SKA1: variants seen among roughly 807,000 people sequenced by gnomAD.
SKA1 encodes SKA complex subunit 1.
Under a neutral mutation model 31.8 loss-of-function variants are expected in SKA1, and 20 were observed. The ratio of observed to expected loss-of-function variants is 0.63; its 90% CI spans 0.44 to 0.91. SKA1 has a LOEUF of 0.91. Ranked by LOEUF, SKA1 falls within the 40% of genes least tolerant of loss-of-function variation. SKA1 has a pLI of 0.00. For missense variants in SKA1, 253 were observed against 298.2 expected, an observed-to-expected ratio of 0.85 and a Z score of 1.12; for synonymous variants, 88 against 100.5, an observed-to-expected ratio of 0.88 and a Z score of 0.74.
Position 50,385,233 on chromosome 18 carries a change from T to G in SKA1, c.329T>G (p.Leu110Arg). The part of the protein sequence containing the change: ...VTQSCVKGSD[L>R]DPEEPIKVEE... ...TTCTGTAGTGTTAAGGGATCAGATC[T>G]TGATCCTGAAGAACCAATCAAAGTT... The change falls in exon 5 of 7, where the codon CTT (leucine) becomes CGT (arginine). Residue 110 changes from leucine to arginine, a missense_variant. Physicochemically the swap from Leu to Arg is moderately radical, Grantham distance 102. Coordinates refer to ENST00000285116, the MANE Select transcript of SKA1 (RefSeq NM_145060.4). The G allele has an allele frequency of 1.9e-6, 3 of 1,613,298 alleles. No individual in the cohort carries two copies. The highest frequency in any genetic ancestry group is 2.5e-6 in the Non-Finnish European group (3 of 1,179,644).
At chr18:50,385,376 G>A in intron 5 of SKA1, 23 bp downstream of exon 5, 1 of 1,527,570 alleles carries the variant, frequency 6.5e-7, no homozygotes, top group East Asian at 2.3e-5. Context: ...GATAAATAAT[G>A]TTCAACCCCT....
At chr18:50,376,365 A>G (rs1299906043) in intron 2 of SKA1, among the ~76,000 whole-genome samples, 2 of 152,258 alleles carry the variant, frequency 1.3e-5, no homozygotes, top group Non-Finnish European at 2.9e-5. Context: ...TAGGCTATAT[A>G]GCCTATTGCT....
At chr18:50,389,207 C>T (rs1017987871) in intron 5 of SKA1, among the ~76,000 whole-genome samples, 2 of 151,998 alleles carry the variant, frequency 1.3e-5, no homozygotes, top group East Asian at 1.9e-4. Context: ...GAAAGCCCAA[C>T]CTAATCTCAC....
chr18:50,379,773 CTTCATAT>C (rs72383580), intron 2 of SKA1, among the ~76,000 whole-genome samples: 54,953 of 151,580 alleles, frequency 0.36, 10,445 homozygotes, highest in East Asian at 0.62. Context: ...ACAGTTCCCT[CTTCATAT>C]TGGAACCCCT....
chr18:50,382,136 G>A lies in SKA1; in HGVS notation c.221G>A (p.Cys74Tyr), dbSNP rs948983303. 3 of 1,529,020 alleles carry A rather than the reference G, an allele frequency of 2.0e-6. No individual in the cohort carries two copies. The highest frequency in any genetic ancestry group is 2.4e-5 in the Admixed American group (1 of 42,192). The allele number at this position is 1,529,020 out of a possible 1,614,324, so 94.7% of individuals were successfully genotyped here. A position where few individuals can be genotyped will look rare whatever the true frequency, so the allele number is the denominator to read the frequency against. ...EQTNNSLKELCESLEEDYKDI... is the reference protein window; with the variant it reads ...EQTNNSLKELYESLEEDYKDI... ...AGCACTTTTAAATTTTAGGAACTCT[G>A]TGAATCTCTTGAAGAAGATTACAAA... The change falls in exon 4 of 7, where the codon TGT becomes TAT. Residue 74 changes from cysteine to tyrosine, a missense_variant. Coordinates refer to ENST00000285116, the MANE Select transcript of SKA1 (RefSeq NM_145060.4).
At chr18:50,384,895 A>G (rs7233562) in intron 4 of SKA1, among the ~76,000 whole-genome samples, 4,456 of 130,762 alleles carry the variant, frequency 0.034, 551 homozygotes, top group African/African-American at 0.16. Flanking sequence ...AAAAAAGGAA[A>G]AAAAAAAAAA....
intron 2 of SKA1, among the ~76,000 whole-genome samples, chr18:50,378,134 A>C (rs1477862643): frequency 6.6e-6 from 1 of 152,188 alleles, no homozygotes; most frequent in Non-Finnish European, 1.5e-5. Context: ...GTCTTGTTTA[A>C]ATTCACTTTC....
chr18:50,384,803 A>T (rs2041290243), intron 4 of SKA1, among the ~76,000 whole-genome samples: 1 of 131,374 alleles, frequency 7.6e-6, no homozygotes. Flanking sequence ...ACATGTATAC[A>T]TATGTAACTA....
chr18:50,382,329 G>A (rs1366612631), intron 4 of SKA1, 103 bp downstream of exon 4: 14 of 641,826 alleles, frequency 2.2e-5, no homozygotes, highest in South Asian at 2.8e-5. Context: ...TTTTGTCAGC[G>A]ATGATCTAGT....
chr18:50,375,093 T>G lies in SKA1; in HGVS notation c.-113T>G, dbSNP rs1244468856. ...CGCGGCGGGCGGTTTGAATTTTGCT[T>G]ACAGAGTCCCGTCTCACCATCCTGG... On this transcript the variant is annotated 5_prime_UTR_variant, in exon 1 of 7. Coordinates refer to ENST00000285116, the MANE Select transcript of SKA1 (RefSeq NM_145060.4). The G allele has an allele frequency of 2.0e-5, 3 of 152,386 alleles. No homozygotes were observed. The highest frequency in any genetic ancestry group is 4.4e-5 in the Non-Finnish European group (3 of 68,178). 9.4% of individuals were successfully genotyped at this position (152,386 alleles called of 1,614,324 possible). A position where few individuals can be genotyped will look rare whatever the true frequency, so the allele number is the denominator to read the frequency against.
chr18:50,391,382 A>G, intron 6 of SKA1, 89 bp downstream of exon 6: 2 of 1,215,108 alleles, frequency 1.6e-6, no homozygotes, highest in Non-Finnish European at 2.2e-6. Flanking sequence ...GAAAATTCTA[A>G]ATCTAGAGTG....
rs547392011 is a variant in SKA1 at position 50,375,813 on chromosome 18, TC to T, written c.-11-6del. The T allele has an allele frequency of 4.3e-5, 66 of 1,540,162 alleles. No individual in the cohort carries two copies. The African/African-American group carries it at 5.9e-4, about 14-fold the overall frequency. ...TGTTACGAATATGTTTATGTTTTTT[TC>T]TTCAGAGGCTTAAAGGATGGCCTCG... On this transcript the variant is annotated splice_region_variant and splice_polypyrimidine_tract_variant and intron_variant, in intron 1 of 6. Coordinates refer to ENST00000285116, the MANE Select transcript of SKA1 (RefSeq NM_145060.4).
intron 1 of SKA1, among the ~76,000 whole-genome samples, chr18:50,375,396 C>A (rs2041206013): frequency 6.6e-6 from 1 of 152,190 alleles, no homozygotes; most frequent in Admixed American, 6.5e-5. Context: ...CTTACCGATC[C>A]CAAACTGTAA....
At chr18:50,388,875 G>T (rs957814345) in intron 5 of SKA1, among the ~76,000 whole-genome samples, 3 of 152,042 alleles carry the variant, frequency 2.0e-5, no homozygotes, top group African/African-American at 4.8e-5. Context: ...ATGGAAGTAT[G>T]GGGGGGCTCC....
At chr18:50,384,871 TAAAAAAAAA>T (rs10608403) in intron 4 of SKA1, among the ~76,000 whole-genome samples, 5 of 82,600 alleles carry the variant, frequency 6.1e-5, no homozygotes, top group Admixed American at 1.6e-4. Context: ...AAAAAAAAAT[TAAAAAAAAA>T]AAAAAAAAAA....
At chr18:50,380,701 A>G (rs1021866040) in intron 3 of SKA1, among the ~76,000 whole-genome samples, 5 of 152,218 alleles carry the variant, frequency 3.3e-5, no homozygotes, top group African/African-American at 9.6e-5. Flanking sequence ...TTATATGTCT[A>G]TATTTCTATA....
At chr18:50,391,408 G>A in intron 6 of SKA1, 115 bp downstream of exon 6, 1 of 1,051,796 alleles carries the variant, frequency 9.5e-7, no homozygotes, top group Non-Finnish European at 1.3e-6. Flanking sequence ...TCCCAACCAG[G>A]AGCAGTTATC....
chr18:50,385,428 T>C (rs1432731089), intron 5 of SKA1, 75 bp downstream of exon 5: 1 of 1,238,010 alleles, frequency 8.1e-7, no homozygotes, highest in Admixed American at 2.4e-5. Context: ...AGCTTAATTA[T>C]ATTAATTGTA....
intron 3 of SKA1, 144 bp from the exon 4 acceptor site, chr18:50,381,985 A>G: frequency 1.8e-6 from 1 of 567,890 alleles, no homozygotes; most frequent in South Asian, 2.4e-5. Flanking sequence ...TTAGCCTCCC[A>G]AGGTGCTGGG....
Sources: allele counts gnomAD v4.1 joint callset (sites outside exome capture counted in the v4.1 genomes callset), GRCh38; gene constraint gnomAD v4.1.1; transcripts MANE v1.5; gene names NCBI Gene and HGNC (gene_info 2026-07-23, HGNC 2026-07-21).